Variants in ELMO1 observed in about 807,000 individuals in gnomAD.
ELMO1 encodes the protein engulfment and cell motility protein 1.
ELMO1 carries 26 observed loss-of-function variants against 98.9 expected under a neutral mutation model. The ratio of observed to expected loss-of-function variants is 0.26; its 90% CI spans 0.19 to 0.36. The LOEUF (loss-of-function observed/expected upper bound fraction) is 0.36. Ranked by LOEUF, ELMO1 falls within the 10% of genes least tolerant of loss-of-function variation. The pLI, the probability that ELMO1 is intolerant of heterozygous loss-of-function variation, is 1.00. For missense variants in ELMO1, 627 were observed against 935.2 expected (o/e 0.67, Z 4.30); for synonymous variants, 346 against 346.0 (o/e 1.00, Z 0.00).
At chr7:37,073,384 T>C (rs1178055438) in intron 15 of ELMO1, among the ~76,000 whole-genome samples, 1 of 152,196 alleles carries the variant, frequency 6.6e-6, no homozygotes, top group African/African-American at 2.4e-5. Flanking sequence ...TTTATGCAGA[T>C]AATGTGAGGA....
intron 4 of ELMO1, among the ~76,000 whole-genome samples, chr7:37,296,458 T>C (rs1466969014): frequency 6.6e-6 from 1 of 152,310 alleles, no homozygotes; most frequent in African/African-American, 2.4e-5. Flanking sequence ...ACCAAGATAT[T>C]CTCCCTTTTG....
Position 36,958,452 on chromosome 7 carries a change from C to T in ELMO1, c.1437+54847G>A, listed in dbSNP as rs371706474. Among the ~76,000 whole-genome samples, 62 of 152,310 alleles carry T rather than the reference C, an allele frequency of 4.1e-4. 1 individual carries two copies. Among genetic ancestry groups the T allele is most frequent in the African/African-American group, 1.4e-3 (60 of 41,568 alleles). On this transcript the variant is annotated intron_variant, in intron 16 of 21. Coordinates refer to ENST00000310758, the MANE Select transcript of ELMO1 (RefSeq NM_014800.11). Reference sequence around the variant, plus strand: ...AGCTTCTCCTCTATTCACAAACCTCCAGAGTCCTTCCCTCCCTCCTCATTT... The same window carrying T: ...AGCTTCTCCTCTATTCACAAACCTCTAGAGTCCTTCCCTCCCTCCTCATTT...
intron 5 of ELMO1, chr7:37,271,348 G>A (rs1796550134): frequency 6.5e-6 from 1 of 154,836 alleles, no homozygotes; most frequent in African/African-American, 2.4e-5. Context: ...GTGGATGTGT[G>A]AGTAGGTGGG....
chr7:37,422,486 T>C (rs1804514495), intron 1 of ELMO1, among the ~76,000 whole-genome samples: 1 of 152,242 alleles, frequency 6.6e-6, no homozygotes, highest in Admixed American at 6.5e-5. Flanking sequence ...GAAGCTCGTG[T>C]GGTTTTCCTG....
At chr7:37,035,471 GA>G in intron 15 of ELMO1, among the ~76,000 whole-genome samples, 1 of 152,280 alleles carries the variant, frequency 6.6e-6, no homozygotes, top group Admixed American at 6.5e-5. Flanking sequence ...AAAAGTGAAA[GA>G]TTTTTGTACC....
chr7:36,981,989 T>C (rs143040593), intron 16 of ELMO1, among the ~76,000 whole-genome samples: 312 of 152,332 alleles, frequency 2.0e-3, no homozygotes, highest in African/African-American at 7.3e-3. Context: ...TCTGAGATCC[T>C]AGTGCCACAC....
intron 5 of ELMO1, among the ~76,000 whole-genome samples, chr7:37,262,790 A>T (rs1476798087): frequency 6.6e-6 from 1 of 152,190 alleles, no homozygotes; most frequent in Non-Finnish European, 1.5e-5. Flanking sequence ...AGGGCTACTT[A>T]CATCTCTGCC....
intron 15 of ELMO1, among the ~76,000 whole-genome samples, chr7:37,091,336 ACCTCAG>A (rs1784077821): frequency 6.6e-6 from 1 of 152,062 alleles, no homozygotes; most frequent in African/African-American, 2.4e-5. Context: ...CGAACTCCTG[ACCTCAG>A]GTGATCCACC....
At chr7:37,379,267 C>T (rs903864662) in intron 1 of ELMO1, among the ~76,000 whole-genome samples, 3 of 152,164 alleles carry the variant, frequency 2.0e-5, no homozygotes, top group African/African-American at 7.2e-5. Context: ...GTCTCGATCT[C>T]CTGACCTCGT....
intron 1 of ELMO1, among the ~76,000 whole-genome samples, chr7:37,447,674 C>T (rs1159785739): frequency 6.7e-6 from 1 of 150,186 alleles, no homozygotes; most frequent in Non-Finnish European, 1.5e-5. Flanking sequence ...CACACACCGA[C>T]GACACACCAC....
intron 13 of ELMO1, among the ~76,000 whole-genome samples, chr7:37,194,498 C>T (rs1017274896): frequency 6.6e-6 from 1 of 152,226 alleles, no homozygotes; most frequent in African/African-American, 2.4e-5. Flanking sequence ...CCTCTTCCAA[C>T]TTCCTGCCAT....
intron 16 of ELMO1, among the ~76,000 whole-genome samples, chr7:36,935,447 T>TCC (rs1206215536): frequency 1.2e-4 from 18 of 152,182 alleles, no homozygotes; most frequent in African/African-American, 4.1e-4. Context: ...AATTGCAAAG[T>TCC]TGAGGAGAGC....
At chr7:36,920,203 G>A (rs1562824654) in intron 16 of ELMO1, among the ~76,000 whole-genome samples, 2 of 152,332 alleles carry the variant, frequency 1.3e-5, no homozygotes, top group Admixed American at 1.3e-4. Flanking sequence ...AAAAATATTT[G>A]CTGAATAGAA....
At chr7:37,236,367 C>T (rs1167415406) in intron 7 of ELMO1, among the ~76,000 whole-genome samples, 2 of 152,150 alleles carry the variant, frequency 1.3e-5, no homozygotes, top group Admixed American at 6.5e-5. Context: ...GCAAATAGAG[C>T]TATATGTGCT....
chr7:37,303,214 G>A (rs779511474), intron 4 of ELMO1, among the ~76,000 whole-genome samples: 1 of 152,190 alleles, frequency 6.6e-6, no homozygotes, highest in Non-Finnish European at 1.5e-5. Context: ...AGCAAAGAGT[G>A]TAATGAAATG....
intron 1 of ELMO1, among the ~76,000 whole-genome samples, chr7:37,400,200 G>A (rs1293106414): frequency 1.3e-5 from 2 of 152,138 alleles, no homozygotes; most frequent in African/African-American, 4.8e-5. Flanking sequence ...TGCTCAGTTA[G>A]TACAGAGGCC....
chr7:37,001,942 C>T (rs994206074), intron 16 of ELMO1: 6 of 152,286 alleles, frequency 3.9e-5, no homozygotes, highest in African/African-American at 9.6e-5. Context: ...GGAGGAGATT[C>T]GGAAAATGGA....
Position 36,863,663 on chromosome 7 carries a change from A to G in ELMO1, c.1906-1927T>C, listed in dbSNP as rs2129035200. Among the ~76,000 whole-genome samples, 5 of 152,330 alleles carry G rather than the reference A, an allele frequency of 3.3e-5. No individual in the cohort carries two copies. In the South Asian group the frequency reaches 1.0e-3, roughly 32 times the overall value. ...TCAGTAAGATAATTATAGGGAGCCA[A>G]AGTTAAGTGGAGAAAAGCACGAGAC... is the stretch of plus-strand genomic sequence containing the variant. On this transcript the variant is annotated intron_variant, in intron 20 of 21. Coordinates refer to ENST00000310758, the MANE Select transcript of ELMO1 (RefSeq NM_014800.11).
At chr7:37,371,143 T>A (rs906316898) in intron 1 of ELMO1, among the ~76,000 whole-genome samples, 3 of 152,180 alleles carry the variant, frequency 2.0e-5, no homozygotes, top group African/African-American at 7.2e-5. Context: ...ACAATGTTAA[T>A]ACTGAACAAG....
Sources: gnomAD v4.1 joint callset for allele counts (sites outside exome capture counted in the v4.1 genomes callset) on GRCh38, gnomAD v4.1.1 for gene constraint, MANE v1.5 for transcripts, NCBI Gene and HGNC (gene_info 2026-07-23, HGNC 2026-07-21) for gene names.